Variants in TMEM150A observed in about 807,000 individuals in gnomAD.
TMEM150A encodes transmembrane protein 150A.
TMEM150A carries 18 observed loss-of-function variants against 29.8 expected under a neutral mutation model. That is an observed-to-expected ratio of 0.60 (90% CI 0.42 to 0.90). The LOEUF (loss-of-function observed/expected upper bound fraction) is 0.90. Ranked by LOEUF, TMEM150A falls within the 40% of genes least tolerant of loss-of-function variation. The pLI is 0.00. For missense variants in TMEM150A, 251 were observed against 349.7 expected, an observed-to-expected ratio of 0.72 and a Z score of 2.25; for synonymous variants, 127 against 143.6, an observed-to-expected ratio of 0.88 and a Z score of 0.83.
chr2:85,600,239 G>T (rs1341581834), intron 5 of TMEM150A, 106 bp downstream of exon 5: 54 of 1,411,512 alleles, frequency 3.8e-5, no homozygotes, highest in Non-Finnish European at 4.9e-5. Context: ...TGCCTCTATT[G>T]CCTTAGCCCT....
In TMEM150A at chr2:85,601,870, C is replaced by T; in HGVS notation, c.65+14G>A. On this transcript the variant is annotated intron_variant, in intron 2 of 7. Coordinates refer to ENST00000334462, the MANE Select transcript of TMEM150A (RefSeq NM_001031738.3). The surrounding 1 kb of genome is among the most constrained non-coding windows in gnomAD (Gnocchi z 4.0). Reference sequence around the variant, plus strand: ...CAAGCTCCTGTTGCCCCCCGGGCACCCCCCTTTACTCACACAGTCCATATG... The same window carrying T: ...CAAGCTCCTGTTGCCCCCCGGGCACTCCCCTTTACTCACACAGTCCATATG... 1 of 1,613,500 alleles carries T rather than the reference C, an allele frequency of 6.2e-7. No individual in the cohort carries two copies. Among genetic ancestry groups the T allele is most frequent in the Non-Finnish European group, 8.5e-7 (1 of 1,179,576 alleles).
chr2:85,601,606 G>A lies in TMEM150A; in HGVS notation c.66-124C>T, dbSNP rs1672966039. On this transcript the variant is annotated intron_variant, in intron 2 of 7. Transcript: ENST00000334462. This position sits in a 1 kb window ranked among gnomAD's most constrained non-coding sequence, Gnocchi z 4.0. ...CTCATTATTGTTGCTGGGGACTCAAGTTGAGGTCCCTAAGGCTTGATGCCA... is the reference window on the plus strand; with the variant it reads ...CTCATTATTGTTGCTGGGGACTCAAATTGAGGTCCCTAAGGCTTGATGCCA... 1.7e-6 allele frequency: 2 copies of A among 1,156,530 alleles called. No individual in the cohort carries two copies. Among genetic ancestry groups the A allele is most frequent in the Non-Finnish European group, 2.5e-6 (2 of 808,900 alleles). The allele number at this position is 1,156,530 out of a possible 1,614,324, so 71.6% of individuals were successfully genotyped here. A position where few individuals can be genotyped will look rare whatever the true frequency, so the allele number is the denominator to read the frequency against.
Position 85,601,170 on chromosome 2 carries a change from C to A in TMEM150A, c.114-63G>T. The A allele has an allele frequency of 2.0e-6, 3 of 1,529,398 alleles. No homozygotes were observed. Among genetic ancestry groups the A allele is most frequent in the South Asian group, 1.1e-5 (1 of 87,896 alleles). 94.7% of individuals were successfully genotyped at this position (1,529,398 alleles called of 1,614,324 possible). ...CTGCCCCCAGGCCCTTGGCCTATAG[C>A]CTCAGGCCTCAAAGAGGACTCTCTC... On this transcript the variant is annotated intron_variant, in intron 3 of 7. Coordinates refer to ENST00000334462, the MANE Select transcript of TMEM150A (RefSeq NM_001031738.3). This position sits in a 1 kb window ranked among gnomAD's most constrained non-coding sequence, Gnocchi z 4.0.
Position 85,601,116 on chromosome 2 carries a change from CA to C in TMEM150A, c.114-10del, listed in dbSNP as rs1160847820. On this transcript the variant is annotated splice_polypyrimidine_tract_variant and intron_variant, in intron 3 of 7. Coordinates refer to ENST00000334462, the MANE Select transcript of TMEM150A (RefSeq NM_001031738.3). This position sits in a 1 kb window ranked among gnomAD's most constrained non-coding sequence, Gnocchi z 4.0. ...AGGACTCGTTGTAGGACCTGGCAGG[CA>C]GGACAGGGAGTAGACTGGGGGAAGG... 2 of 1,612,110 alleles carry C rather than the reference CA, an allele frequency of 1.2e-6. No individual in the cohort carries two copies. Among genetic ancestry groups the C allele is most frequent in the African/African-American group, 2.7e-5 (2 of 74,850 alleles).
Position 85,601,371 on chromosome 2 carries a change from G to A in TMEM150A, c.113+64C>T, listed in dbSNP as rs767070440. ...TGCAGTCTGGCTCGTGGCAGCCTCA[G>A]GCCCAAGAGGGGACAGAGATGAAGG... is the stretch of plus-strand genomic sequence containing the variant. On this transcript the variant is annotated intron_variant, in intron 3 of 7. Coordinates refer to ENST00000334462, the MANE Select transcript of TMEM150A (RefSeq NM_001031738.3). This position sits in a 1 kb window ranked among gnomAD's most constrained non-coding sequence, Gnocchi z 4.0. The A allele has an allele frequency of 3.8e-6, 6 of 1,596,106 alleles. No individual in the cohort carries two copies. The South Asian group carries it at 6.6e-5, about 18-fold the overall frequency.
At position 85,601,601 on chromosome 2, in the gene TMEM150A, C is replaced by T. The variant is rs958886604; in HGVS notation, c.66-119G>A. On this transcript the variant is annotated intron_variant, in intron 2 of 7. Coordinates refer to ENST00000334462, the MANE Select transcript of TMEM150A (RefSeq NM_001031738.3). This position sits in a 1 kb window ranked among gnomAD's most constrained non-coding sequence, Gnocchi z 4.0. ...TCAGCCTCATTATTGTTGCTGGGGACTCAAGTTGAGGTCCCTAAGGCTTGA... is the reference window on the plus strand; with the variant it reads ...TCAGCCTCATTATTGTTGCTGGGGATTCAAGTTGAGGTCCCTAAGGCTTGA... The T allele has an allele frequency of 4.8e-5, 59 of 1,241,594 alleles. No homozygotes were observed. The African/African-American group carries it at 8.3e-4, about 18-fold the overall frequency. The allele number at this position is 1,241,594 out of a possible 1,614,324, so 76.9% of individuals were successfully genotyped here.
At position 85,599,905 on chromosome 2, in the gene TMEM150A, C is replaced by T. The variant is rs758454559; in HGVS notation, c.382G>A (p.Val128Ile). 26 of 1,613,336 alleles carry T rather than the reference C, an allele frequency of 1.6e-5. No homozygotes were observed. In the South Asian group the frequency reaches 2.7e-4, roughly 17 times the overall value. ...AGGGGAAGCACCTGAAAGTTGCCAACCACCAAGAGGCCCGCAGCGTTGGTG... is the reference window on the plus strand; with the variant it reads ...AGGGGAAGCACCTGAAAGTTGCCAATCACCAAGAGGCCCGCAGCGTTGGTG... ...GCTNAAGLLV[V>I]GNFQVDHARS... The change falls in exon 6 of 8, where the codon GTT (valine) becomes ATT (isoleucine). Residue 128 changes from valine to isoleucine, a missense_variant. Physicochemically the swap from Val to Ile is conservative, Grantham distance 29. Transcript: ENST00000334462. This position sits in a 1 kb window ranked among gnomAD's most constrained non-coding sequence, Gnocchi z 6.0.
chr2:85,598,631 G>C lies in TMEM150A; in HGVS notation c.*445C>G. The C allele has an allele frequency of 5.8e-6, 1 of 172,400 alleles. No individual in the cohort carries two copies. Among genetic ancestry groups the C allele is most frequent in the Non-Finnish European group, 1.3e-5 (1 of 78,402 alleles). 10.7% of individuals were successfully genotyped at this position (172,400 alleles called of 1,614,324 possible). ...GTGTTATTTGCCCTAAAGGAAGTGAGGGGCAGAGTGAAGAATCCCAGTGCA... is the reference window on the plus strand; with the variant it reads ...GTGTTATTTGCCCTAAAGGAAGTGACGGGCAGAGTGAAGAATCCCAGTGCA... On this transcript the variant is annotated 3_prime_UTR_variant, in exon 8 of 8. Transcript: ENST00000334462.
chr2:85,599,244 G>C lies in TMEM150A; in HGVS notation c.648C>G (p.Ile216Met). 6.2e-7 allele frequency: 1 copy of C among 1,613,968 alleles called. No homozygotes were observed. The highest frequency in any genetic ancestry group is 8.5e-7 in the Non-Finnish European group (1 of 1,180,004). ...AGGTGCCATAGAAAATGAGGATATC[G>C]ATGACACACACCCACTCACACAGGG... ...GAALCEWVCV[I>M]DILIFYGTFS... The change falls in exon 8 of 8, where the codon ATC becomes ATG. Residue 216 changes from isoleucine (I) to methionine (M), a missense_variant. Transcript: ENST00000334462. This position sits in a 1 kb window ranked among gnomAD's most constrained non-coding sequence, Gnocchi z 6.0.
Position 85,598,973 on chromosome 2 carries a change from C to T in TMEM150A, c.*103G>A. On this transcript the variant is annotated 3_prime_UTR_variant, in exon 8 of 8. Coordinates refer to ENST00000334462, the MANE Select transcript of TMEM150A (RefSeq NM_001031738.3). ...TCTCCAGAAGTGAGGAAGCCCAGAT[C>T]CCAACAGAATACTTTCTCAAAATTG... 5 of 1,490,744 alleles carry T rather than the reference C, an allele frequency of 3.4e-6. No individual in the cohort carries two copies. The highest frequency in any genetic ancestry group is 4.5e-6 in the Non-Finnish European group (5 of 1,113,512). The allele number at this position is 1,490,744 out of a possible 1,614,324, so 92.3% of individuals were successfully genotyped here. A position where few individuals can be genotyped will look rare whatever the true frequency, so the allele number is the denominator to read the frequency against.
chr2:85,599,397 C>A lies in TMEM150A; in HGVS notation c.575-80G>T, dbSNP rs1192624887. 2 of 1,587,406 alleles carry A rather than the reference C, an allele frequency of 1.3e-6. No individual in the cohort carries two copies. The highest frequency in any genetic ancestry group is 1.7e-6 in the Non-Finnish European group (2 of 1,165,222). ...CCTTCTGCAGTCTCAGGCCTCACCT[C>A]TCCAAAGGGAGAGGTGTTAGTCCTC... On this transcript the variant is annotated intron_variant, in intron 7 of 7. Coordinates refer to ENST00000334462, the MANE Select transcript of TMEM150A (RefSeq NM_001031738.3). This position sits in a 1 kb window ranked among gnomAD's most constrained non-coding sequence, Gnocchi z 6.0.
rs1673001107 is a variant in TMEM150A at position 85,602,070 on chromosome 2, G to GAA, written c.-116-7_-116-6insTT. 2.3e-6 allele frequency: 2 copies of GAA among 876,544 alleles called. No homozygotes were observed. Among genetic ancestry groups the GAA allele is most frequent in the African/African-American group, 3.3e-5 (2 of 60,786 alleles). The allele number at this position is 876,544 out of a possible 1,614,324, so 54.3% of individuals were successfully genotyped here. A position where few individuals can be genotyped will look rare whatever the true frequency, so the allele number is the denominator to read the frequency against. On this transcript the variant is annotated splice_region_variant and splice_polypyrimidine_tract_variant and intron_variant, in intron 1 of 7. Transcript: ENST00000334462. The surrounding 1 kb of genome is among the most constrained non-coding windows in gnomAD (Gnocchi z 5.6). ...CAACCATCAGCTGTCCTGGCCTGGTGGAGAGAGATCAAAGTCCAGGAGTGG... is the reference window on the plus strand; with the variant it reads ...CAACCATCAGCTGTCCTGGCCTGGTGAAGAGAGAGATCAAAGTCCAGGAGTGG...
In TMEM150A at chr2:85,600,298, G is replaced by A. The variant is rs1450594204; in HGVS notation, c.268+47C>T. ...GGCTTCCTGGGCCTTTCTGTGTGGG[G>A]ATCACTGGGCTGGGCACGCAGGGTC... On this transcript the variant is annotated intron_variant, in intron 5 of 7. Coordinates refer to ENST00000334462, the MANE Select transcript of TMEM150A (RefSeq NM_001031738.3). 7 of 1,602,680 alleles carry A rather than the reference G, an allele frequency of 4.4e-6. No homozygotes were observed. The Admixed American group carries it at 1.0e-4, about 23-fold the overall frequency.
rs1368313404 is a variant in TMEM150A at position 85,599,859 on chromosome 2, G to A, written c.396+32C>T. ...AGGCAGCCAGGCCTTGTTAGGTAAA[G>A]TTTAAGGTTTGCAGGGGAGAAGGGG... On this transcript the variant is annotated intron_variant, in intron 6 of 7. Transcript: ENST00000334462. This position sits in a 1 kb window ranked among gnomAD's most constrained non-coding sequence, Gnocchi z 6.0. 6.8e-6 allele frequency: 11 copies of A among 1,612,878 alleles called. No homozygotes were observed. Among genetic ancestry groups the A allele is most frequent in the Non-Finnish European group, 9.3e-6 (11 of 1,180,000 alleles).
Position 85,599,133 on chromosome 2 carries a change from C to T in TMEM150A, c.759G>A (p.Gly253=). ...TGAGGTGGGTGGAGGTGCTGCTGCT[C>T]CCGGAGGACTTGCAGGCCCGGCCAG... is the stretch of plus-strand genomic sequence containing the variant. ...PTPGRACKSS[G]SSSTSTHLNC... The change falls in exon 8 of 8, where the codon GGG becomes GGA. Residue 253 remains glycine, a synonymous_variant. Coordinates refer to ENST00000334462, the MANE Select transcript of TMEM150A (RefSeq NM_001031738.3). The surrounding 1 kb of genome is among the most constrained non-coding windows in gnomAD (Gnocchi z 6.0). The T allele has an allele frequency of 6.2e-7, 1 of 1,613,768 alleles. No individual in the cohort carries two copies.
chr2:85,601,189 C>CCTCAAAGAGG lies in TMEM150A; in HGVS notation c.114-83_114-82insCCTCTTTGAG. The CCTCAAAGAGG allele has an allele frequency of 6.9e-7, 1 of 1,444,876 alleles. No homozygotes were observed. Among genetic ancestry groups the CCTCAAAGAGG allele is most frequent in the Non-Finnish European group, 9.6e-7 (1 of 1,042,324 alleles). The allele number at this position is 1,444,876 out of a possible 1,614,324, so 89.5% of individuals were successfully genotyped here. Reference sequence around the variant, plus strand: ...CTATAGCCTCAGGCCTCAAAGAGGACTCTCTCCCAGACCTCCCCTACAGGG... The same window carrying CCTCAAAGAGG: ...CTATAGCCTCAGGCCTCAAAGAGGACCTCAAAGAGGTCTCTCCCAGACCTCCCCTACAGGG... On this transcript the variant is annotated intron_variant, in intron 3 of 7. Coordinates refer to ENST00000334462, the MANE Select transcript of TMEM150A (RefSeq NM_001031738.3). The surrounding 1 kb of genome is among the most constrained non-coding windows in gnomAD (Gnocchi z 4.0).
Position 85,601,359 on chromosome 2 carries a change from G to A in TMEM150A, c.113+76C>T, listed in dbSNP as rs922256540. The A allele has an allele frequency of 1.0e-5, 16 of 1,573,096 alleles. No individual in the cohort carries two copies. The highest frequency in any genetic ancestry group is 3.3e-5 in the Admixed American group (2 of 59,974). ...GAGGCTCAGGGTTGCAGTCTGGCTC[G>A]TGGCAGCCTCAGGCCCAAGAGGGGA... On this transcript the variant is annotated intron_variant, in intron 3 of 7. Transcript: ENST00000334462. The surrounding 1 kb of genome is among the most constrained non-coding windows in gnomAD (Gnocchi z 4.0).
chr2:85,600,857 A>G, intron 4 of TMEM150A, 164 bp downstream of exon 4: 1 of 618,790 alleles, frequency 1.6e-6, no homozygotes, highest in Non-Finnish European at 2.8e-6. Context: ...ATGCATATAA[A>G]GCACTCAGCA....
At position 85,599,967 on chromosome 2, in the gene TMEM150A, T is replaced by G; in HGVS notation, c.320A>C (p.His107Pro). Residue 107 changes from histidine to proline, a missense_variant, in exon 6 of 8, where the codon CAC (histidine) becomes CCC (proline). By Grantham distance (77) the His-to-Pro change is moderately conservative (BLOSUM62 -2). Transcript: ENST00000334462. The surrounding 1 kb of genome is among the most constrained non-coding windows in gnomAD (Gnocchi z 6.0). Reference protein sequence around the residue: ...RYGQLLEQSRHSWVNTTALIT... With the variant: ...RYGQLLEQSRPSWVNTTALIT... ...GAGTGCCGTGGTGTTAACCCAAGAG[T>G]GCCGACTCTGCTCCAGGAGCTGCCC... 1 of 1,611,230 alleles carries G rather than the reference T, an allele frequency of 6.2e-7. No homozygotes were observed. Among genetic ancestry groups the G allele is most frequent in the Non-Finnish European group, 8.5e-7 (1 of 1,179,786 alleles).
Sources: allele counts gnomAD v4.1 joint callset, GRCh38; gene constraint gnomAD v4.1.1; non-coding constraint Gnocchi (gnomAD v3.1); transcripts MANE v1.5; gene names NCBI Gene and HGNC (gene_info 2026-07-23, HGNC 2026-07-21).